Variants in CUBN observed in about 807,000 individuals in gnomAD.
The protein encoded by CUBN is 460 kDa receptor.
CUBN carries 282 observed loss-of-function variants against 405.3 expected under a neutral mutation model. The ratio of observed to expected loss-of-function variants is 0.70; its 90% CI spans 0.63 to 0.77. The LOEUF (loss-of-function observed/expected upper bound fraction) is 0.77, where lower values mean the gene tolerates loss of function less well. Among genes scored for constraint, CUBN ranks in the 30% least tolerant of loss-of-function variants. The pLI, the probability that CUBN is intolerant of heterozygous loss-of-function variation, is 0.00. For synonymous variants in CUBN, 1,684 were observed against 1,617.0 expected, an observed-to-expected ratio of 1.04 and a Z score of -0.99; for missense variants, 4,514 against 4,475.2, an observed-to-expected ratio of 1.01 and a Z score of -0.25.
At chr10:16,866,758 A>T (rs1840197365) in intron 59 of CUBN, among the ~76,000 whole-genome samples, 1 of 152,166 alleles carries the variant, frequency 6.6e-6, no homozygotes, top group South Asian at 2.1e-4. Flanking sequence ...GCACATTTCC[A>T]TTGCAGTTAG....
At chr10:17,033,540 C>T (rs1010520901) in intron 27 of CUBN, among the ~76,000 whole-genome samples, 3 of 152,188 alleles carry the variant, frequency 2.0e-5, no homozygotes, top group African/African-American at 7.2e-5. Flanking sequence ...AGGATAGTGA[C>T]AGCCTGAGGA....
intron 59 of CUBN, among the ~76,000 whole-genome samples, chr10:16,851,845 T>C (rs1279608197): frequency 1.6e-5 from 2 of 121,680 alleles, no homozygotes; most frequent in African/African-American, 3.2e-5. Flanking sequence ...TGTCTTTCCC[T>C]CCCTCACTCT....
At chr10:17,094,649 C>T (rs1030207244) in intron 14 of CUBN, among the ~76,000 whole-genome samples, 1 of 151,842 alleles carries the variant, frequency 6.6e-6, no homozygotes, top group Non-Finnish European at 1.5e-5. Context: ...AAGAAAATCC[C>T]ATTTACAATA....
At chr10:16,869,540 T>G (rs1840285931) in intron 59 of CUBN, 96 bp downstream of exon 59, 3 of 868,522 alleles carry the variant, frequency 3.5e-6, no homozygotes, top group Non-Finnish European at 1.8e-6. Context: ...GGAAAAGCAA[T>G]CATAATCAGG....
chr10:16,845,765 A>T (rs1839490577), intron 60 of CUBN, among the ~76,000 whole-genome samples: 2 of 152,206 alleles, frequency 1.3e-5, no homozygotes, highest in South Asian at 4.1e-4. Context: ...TAGACTGCTG[A>T]TCCTCTCCCC....
At chr10:17,006,249 ATC>A (rs1193561207) in intron 28 of CUBN, among the ~76,000 whole-genome samples, 4 of 152,230 alleles carry the variant, frequency 2.6e-5, no homozygotes, top group Non-Finnish European at 5.9e-5. Flanking sequence ...CTCAAAAAAT[ATC>A]TGCTGGCAGA....
chr10:16,835,496 T>C (rs1839141302), intron 63 of CUBN, among the ~76,000 whole-genome samples: 1 of 152,206 alleles, frequency 6.6e-6, no homozygotes, highest in Non-Finnish European at 1.5e-5. Flanking sequence ...CTGATCACGT[T>C]GAGGTGGAAG....
Position 17,108,897 on chromosome 10 carries a change from G to A in CUBN, c.1111+743C>T, listed in dbSNP as rs190345974. 2.5e-3 allele frequency among the ~76,000 whole-genome samples: 380 copies of A among 152,184 alleles called. 1 individual carries two copies. The highest frequency in any genetic ancestry group is 3.9e-3 in the Non-Finnish European group (265 of 67,996). On this transcript the variant is annotated intron_variant, in intron 10 of 66. Coordinates refer to ENST00000377833, the MANE Select transcript of CUBN (RefSeq NM_001081.4). Reference sequence around the variant, plus strand: ...TACCAATCAGTAAGAAAGAAAGAGAGCAAAGGGGATGAACAAGTAGAAAGA... The same window carrying A: ...TACCAATCAGTAAGAAAGAAAGAGAACAAAGGGGATGAACAAGTAGAAAGA...
In CUBN at chr10:16,829,032, C is replaced by A; in HGVS notation, c.10537G>T (p.Gly3513Ter). The A allele has an allele frequency of 6.2e-7, 1 of 1,613,588 alleles. No individual in the cohort carries two copies. The highest frequency in any genetic ancestry group is 8.5e-7 in the Non-Finnish European group (1 of 1,179,670). Reference sequence around the variant, plus strand: ...GAGCCTCTGTCTCCATAAAGAGTTCCACCACATCCTGCAAGGAAAACAGGA... The same window carrying A: ...GAGCCTCTGTCTCCATAAAGAGTTCAACCACATCCTGCAAGGAAAACAGGA... ...IWTSSPSGCG[G>*]TLYGDRGSFT... The change falls in exon 66 of 67, where the codon GGA (glycine) becomes TGA (stop). Residue 3513 changes from glycine (G) to a stop codon, truncating the protein, a stop_gained. Transcript: ENST00000377833. LOFTEE classifies it high-confidence loss of function.
intron 22 of CUBN, among the ~76,000 whole-genome samples, chr10:17,054,844 G>C (rs1835354600): frequency 6.6e-6 from 1 of 151,968 alleles, no homozygotes; most frequent in Non-Finnish European, 1.5e-5. Flanking sequence ...AAAACTACAG[G>C]CTCAAATAAT....
chr10:17,102,441 C>T (rs1836515980), intron 13 of CUBN, among the ~76,000 whole-genome samples: 1 of 149,114 alleles, frequency 6.7e-6, no homozygotes, highest in African/African-American at 2.5e-5. Context: ...CACCCATCAC[C>T]ATACCTGGCT....
intron 40 of CUBN, among the ~76,000 whole-genome samples, chr10:16,928,704 A>G (rs756670431): frequency 1.3e-5 from 2 of 151,774 alleles, no homozygotes; most frequent in Non-Finnish European, 2.9e-5. Flanking sequence ...TAATTATTGT[A>G]TTTTTAGTAG....
intron 27 of CUBN, among the ~76,000 whole-genome samples, chr10:17,028,123 C>T (rs1472030111): frequency 6.6e-6 from 1 of 151,998 alleles, no homozygotes; most frequent in African/African-American, 2.4e-5. Context: ...AAGTGAAATG[C>T]TTTGAAAGCT....
intron 27 of CUBN, among the ~76,000 whole-genome samples, chr10:17,033,845 T>C (rs904409276): frequency 2.6e-5 from 4 of 152,198 alleles, no homozygotes; most frequent in African/African-American, 9.6e-5. Flanking sequence ...TCACTTTAAG[T>C]ATTGACAATA....
In CUBN at chr10:17,085,565, C is replaced by T. The variant is rs140617516; in HGVS notation, c.2110+32G>A. Reference sequence around the variant, plus strand: ...TAAGCATAGCATTGGCCTTCAAATCCCTCTTAAGCCCCCAACTGGTAGGTT... The same window carrying T: ...TAAGCATAGCATTGGCCTTCAAATCTCTCTTAAGCCCCCAACTGGTAGGTT... On this transcript the variant is annotated intron_variant, in intron 16 of 66. Transcript: ENST00000377833. 1,259 of 1,605,072 alleles carry T rather than the reference C, an allele frequency of 7.8e-4. 3 individuals are homozygous for T. In the East Asian group the frequency reaches 7.9e-3, roughly 10 times the overall value.
intron 3 of CUBN, among the ~76,000 whole-genome samples, chr10:17,127,389 C>T (rs1837223892): frequency 6.6e-6 from 1 of 151,008 alleles, no homozygotes; most frequent in African/African-American, 2.4e-5. Context: ...CTTCAGCCTC[C>T]CAAGTAGCTG....
chr10:16,841,176 T>A, intron 60 of CUBN, 129 bp from the exon 61 acceptor site: 1 of 746,092 alleles, frequency 1.3e-6, no homozygotes, highest in Non-Finnish European at 2.2e-6. Context: ...GAGGTAGTCT[T>A]AATTTAGGAA....
At chr10:16,921,700 C>T (rs776608125) in intron 43 of CUBN, among the ~76,000 whole-genome samples, 61 of 152,364 alleles carry the variant, frequency 4.0e-4, no homozygotes, top group Non-Finnish European at 3.4e-4. Context: ...GCTTCCCTGA[C>T]ATTGCTGGAG....
At chr10:17,065,438 T>C (rs1410590753) in intron 22 of CUBN, 70 bp downstream of exon 22, 2 of 1,590,152 alleles carry the variant, frequency 1.3e-6, no homozygotes, top group Non-Finnish European at 1.7e-6. Flanking sequence ...GTATTCTCAT[T>C]GTGTTTTAGC....
Sources: allele counts gnomAD v4.1 joint callset (sites outside exome capture counted in the v4.1 genomes callset), GRCh38; gene constraint gnomAD v4.1.1; transcripts MANE v1.5; gene names NCBI Gene and HGNC (gene_info 2026-07-23, HGNC 2026-07-21).